Variants in ARF6 observed in about 807,000 individuals in gnomAD.
ARF6 encodes ADP-ribosylation factor 6.
For missense variants in ARF6, 75 were observed against 232.0 expected (o/e 0.32, Z 4.40); for synonymous variants, 127 against 95.5 (o/e 1.33, Z -1.92).
Position 49,896,169 on chromosome 14 carries a change from G to T in ARF6, c.*1905G>T. 1 of 166,296 alleles carries T rather than the reference G, an allele frequency of 6.0e-6. No individual in the cohort carries two copies. The allele number at this position is 166,296 out of a possible 1,614,324, so 10.3% of individuals were successfully genotyped here. A position where few individuals can be genotyped will look rare whatever the true frequency, so the allele number is the denominator to read the frequency against. On this transcript the variant is annotated 3_prime_UTR_variant, in exon 2 of 2. Transcript: ENST00000298316. ...AAAGGGTATTCTCATGTAGGCTCCTGTTGGTGCAGAGGGATTTTTTTGATT... is the reference window on the plus strand; with the variant it reads ...AAAGGGTATTCTCATGTAGGCTCCTTTTGGTGCAGAGGGATTTTTTTGATT...
At position 49,895,997 on chromosome 14, in the gene ARF6, G is replaced by A. The variant is rs140339761; in HGVS notation, c.*1733G>A. On this transcript the variant is annotated 3_prime_UTR_variant, in exon 2 of 2. Transcript: ENST00000298316. ...AACTAAAATTGAGCGGGATATCATG[G>A]TATAGTTGGACAGTATTGGTCCTTC... The A allele has an allele frequency of 1.8e-5, 3 of 167,008 alleles. No individual in the cohort carries two copies. The East Asian group carries it at 5.8e-4, about 32-fold the overall frequency. The allele number at this position is 167,008 out of a possible 1,614,324, so 10.3% of individuals were successfully genotyped here.
In ARF6 at chr14:49,896,795, T is replaced by TTA. The variant is rs1036233929; in HGVS notation, c.*2534_*2535dup. The TTA allele has an allele frequency of 6.0e-6, 1 of 167,056 alleles. No individual in the cohort carries two copies. Among genetic ancestry groups the TTA allele is most frequent in the Admixed American group, 6.5e-5 (1 of 15,278 alleles). 10.3% of individuals were successfully genotyped at this position (167,056 alleles called of 1,614,324 possible). ...AACCATTGGTGACTGGAGCAGGTAA[T>TTA]TATAGCCTGCAGAAAAAATTATCTA... is the stretch of plus-strand genomic sequence containing the variant. On this transcript the variant is annotated 3_prime_UTR_variant, in exon 2 of 2. Transcript: ENST00000298316.
In ARF6 at chr14:49,894,760, T is replaced by C. The variant is rs1161703570; in HGVS notation, c.*496T>C. 6.0e-6 allele frequency: 1 copy of C among 167,780 alleles called. No homozygotes were observed. Among genetic ancestry groups the C allele is most frequent in the Non-Finnish European group, 1.5e-5 (1 of 68,588 alleles). The allele number at this position is 167,780 out of a possible 1,614,324, so 10.4% of individuals were successfully genotyped here. A position where few individuals can be genotyped will look rare whatever the true frequency, so the allele number is the denominator to read the frequency against. ...GTTTCATCTAGTAAACTGAAAATTA[T>C]TGCTTAATCAAACTGCCGTTTGTCT... On this transcript the variant is annotated 3_prime_UTR_variant, in exon 2 of 2. Coordinates refer to ENST00000298316, the MANE Select transcript of ARF6 (RefSeq NM_001663.4).
chr14:49,896,509 GCAGC>G lies in ARF6; in HGVS notation c.*2248_*2251del, dbSNP rs1778345940. 6.0e-6 allele frequency: 1 copy of G among 166,980 alleles called. No homozygotes were observed. The highest frequency in any genetic ancestry group is 1.5e-5 in the Non-Finnish European group (1 of 68,056). 10.3% of individuals were successfully genotyped at this position (166,980 alleles called of 1,614,324 possible). A position where few individuals can be genotyped will look rare whatever the true frequency, so the allele number is the denominator to read the frequency against. On this transcript the variant is annotated 3_prime_UTR_variant, in exon 2 of 2. Transcript: ENST00000298316. ...CTAACTTGTGAAGACAGATTGGTAG[GCAGC>G]CATTTTTTTGTGTCTTAAAATAACT...
rs1894499428 is a variant in ARF6, at chr14:49,894,764, T to C, written c.*500T>C. ...CATCTAGTAAACTGAAAATTATTGCTTAATCAAACTGCCGTTTGTCTTTTA... is the reference window on the plus strand; with the variant it reads ...CATCTAGTAAACTGAAAATTATTGCCTAATCAAACTGCCGTTTGTCTTTTA... On this transcript the variant is annotated 3_prime_UTR_variant, in exon 2 of 2. Coordinates refer to ENST00000298316, the MANE Select transcript of ARF6 (RefSeq NM_001663.4). 1 of 167,750 alleles carries C rather than the reference T, an allele frequency of 6.0e-6. No homozygotes were observed. The highest frequency in any genetic ancestry group is 6.5e-5 in the Admixed American group (1 of 15,382). The allele number at this position is 167,750 out of a possible 1,614,324, so 10.4% of individuals were successfully genotyped here. A position where few individuals can be genotyped will look rare whatever the true frequency, so the allele number is the denominator to read the frequency against.
rs1324913167 is a variant in ARF6, at chr14:49,894,042, G to T, written c.306G>T (p.Glu102Asp). Residue 102 changes from glutamate to aspartate, a missense_variant, in exon 2 of 2, where the codon GAG becomes GAT. Coordinates refer to ENST00000298316, the MANE Select transcript of ARF6 (RefSeq NM_001663.4). ...DRDRIDEARQ[E>D]LHRIINDREM... ...ACCGCATCGATGAGGCTCGCCAGGAGCTGCACCGCATTATCAATGACCGGG... is the reference window on the plus strand; with the variant it reads ...ACCGCATCGATGAGGCTCGCCAGGATCTGCACCGCATTATCAATGACCGGG... 6.2e-7 allele frequency: 1 copy of T among 1,614,192 alleles called. No individual in the cohort carries two copies.
Position 49,894,151 on chromosome 14 carries a change from CTG to C in ARF6, c.416_417del (p.Leu139ArgfsTer25). 6.2e-7 allele frequency: 1 copy of C among 1,614,184 alleles called. No individual in the cohort carries two copies. The highest frequency in any genetic ancestry group is 8.5e-7 in the Non-Finnish European group (1 of 1,180,040). On this transcript the variant is annotated frameshift_variant, in exon 2 of 2. Transcript: ENST00000298316. LOFTEE classifies it high-confidence loss of function. ...GAAACCCCACGAGATCCAGGAGAAA[CTG>C]GGCCTGACCCGGATTCGGGACAGGA... Reference protein sequence around the residue: ...AMKPHEIQEKLGLTRIRDRNW... With the variant: ...AMKPHEIQEKXGLTRIRDRNW...
rs769861336 is a variant in ARF6, at chr14:49,893,784, C to T, written c.48C>T (p.Ile16=). The T allele has an allele frequency of 1.2e-5, 20 of 1,614,114 alleles. No homozygotes were observed. In the South Asian group the frequency reaches 2.1e-4, roughly 17 times the overall value. The change falls in exon 2 of 2, where the codon ATC becomes ATT. Residue 16 remains isoleucine (I), a synonymous_variant. Transcript: ENST00000298316. ...TCTTCGGGAACAAGGAAATGCGGATCCTCATGTTGGGCCTGGACGCGGCCG... is the reference window on the plus strand; with the variant it reads ...TCTTCGGGAACAAGGAAATGCGGATTCTCATGTTGGGCCTGGACGCGGCCG... ...SKIFGNKEMR[I]LMLGLDAAGK...
rs1566734466 is a variant in ARF6 at position 49,893,994 on chromosome 14, C to T, written c.258C>T (p.Phe86=). ...HYYTGTQGLI[F]VVDCADRDRI... The stretch of plus-strand genomic sequence containing the variant: ...ACACTGGGACCCAAGGTCTCATCTT[C>T]GTAGTGGACTGCGCCGACCGCGACC... Residue 86 remains phenylalanine (F), a synonymous_variant, in exon 2 of 2, where the codon TTC becomes TTT. Transcript: ENST00000298316. The T allele has an allele frequency of 1.2e-6, 2 of 1,614,232 alleles. No homozygotes were observed. Among genetic ancestry groups the T allele is most frequent in the South Asian group, 1.1e-5 (1 of 91,088 alleles).
In ARF6 at chr14:49,894,457, T is replaced by C; in HGVS notation, c.*193T>C. 9.2e-6 allele frequency: 2 copies of C among 216,424 alleles called. No individual in the cohort carries two copies. The highest frequency in any genetic ancestry group is 2.2e-4 in the East Asian group (2 of 9,296). The allele number at this position is 216,424 out of a possible 1,614,324, so 13.4% of individuals were successfully genotyped here. On this transcript the variant is annotated 3_prime_UTR_variant, in exon 2 of 2. Transcript: ENST00000298316. ...GTTTGTTTCCCTTTCTTTTTCCTTT[T>C]TTTTTTTTTTTTTTTTTTGTTGGCT... is the stretch of plus-strand genomic sequence containing the variant.
At chr14:49,893,228 A>C (rs1894471086) in intron 1 of ARF6, 28 bp from the exon 2 acceptor site, 1 of 151,528 alleles carries the variant, frequency 6.6e-6, no homozygotes, top group African/African-American at 2.4e-5. Flanking sequence ...TCTGGCAGTA[A>C]CTCCCCTCCC....
chr14:49,895,845 C>T lies in ARF6; in HGVS notation c.*1581C>T, dbSNP rs1166727334. The T allele has an allele frequency of 6.0e-6, 1 of 166,810 alleles. No homozygotes were observed. Among genetic ancestry groups the T allele is most frequent in the Non-Finnish European group, 1.5e-5 (1 of 68,078 alleles). 10.3% of individuals were successfully genotyped at this position (166,810 alleles called of 1,614,324 possible). A position where few individuals can be genotyped will look rare whatever the true frequency, so the allele number is the denominator to read the frequency against. On this transcript the variant is annotated 3_prime_UTR_variant, in exon 2 of 2. Transcript: ENST00000298316. ...CAGAATTGTAAAGCAGCATCTGGTT[C>T]CTATATAGCCTTAAGGATTAATTTT... is the stretch of plus-strand genomic sequence containing the variant.
rs35848359 is a variant in ARF6 at position 49,894,453 on chromosome 14, CTTTTTTTTTTT to C, written c.*201_*211del. The C allele has an allele frequency of 2.3e-3, 553 of 245,582 alleles. 4 individuals are homozygous for C. Among genetic ancestry groups the C allele is most frequent in the African/African-American group, 0.018 (511 of 28,466 alleles). 15.2% of individuals were successfully genotyped at this position (245,582 alleles called of 1,614,324 possible). A position where few individuals can be genotyped will look rare whatever the true frequency, so the allele number is the denominator to read the frequency against. On this transcript the variant is annotated 3_prime_UTR_variant, in exon 2 of 2. Transcript: ENST00000298316. ...TTTTGTTTGTTTCCCTTTCTTTTTC[CTTTTTTTTTTT>C]TTTTTTTTTTTGTTGGCTTTGCGTT...
chr14:49,895,309 T>G lies in ARF6; in HGVS notation c.*1045T>G, dbSNP rs1894507256. ...ATTTAAAAATTACTAAAAGGTTTAC[T>G]TTGTTCATTAATAAAACATTTAACA... On this transcript the variant is annotated 3_prime_UTR_variant, in exon 2 of 2. Transcript: ENST00000298316. 1 of 167,086 alleles carries G rather than the reference T, an allele frequency of 6.0e-6. No individual in the cohort carries two copies. The allele number at this position is 167,086 out of a possible 1,614,324, so 10.4% of individuals were successfully genotyped here.
At position 49,895,389 on chromosome 14, in the gene ARF6, C is replaced by T. The variant is rs1489870532; in HGVS notation, c.*1125C>T. 6.0e-6 allele frequency: 1 copy of T among 167,076 alleles called. No homozygotes were observed. The highest frequency in any genetic ancestry group is 1.5e-5 in the Non-Finnish European group (1 of 68,114). The allele number at this position is 167,076 out of a possible 1,614,324, so 10.3% of individuals were successfully genotyped here. A position where few individuals can be genotyped will look rare whatever the true frequency, so the allele number is the denominator to read the frequency against. Reference sequence around the variant, plus strand: ...TGAAAAAAATACACATTCCTGTTTTCACATTATAGCAACTGATTAAGCTGA... The same window carrying T: ...TGAAAAAAATACACATTCCTGTTTTTACATTATAGCAACTGATTAAGCTGA... On this transcript the variant is annotated 3_prime_UTR_variant, in exon 2 of 2. Coordinates refer to ENST00000298316, the MANE Select transcript of ARF6 (RefSeq NM_001663.4).
rs748114612 is a variant in ARF6, at chr14:49,893,688, AGGGGACCC to A, written c.-45_-38del. 2 of 1,581,326 alleles carry A rather than the reference AGGGGACCC, an allele frequency of 1.3e-6. No individual in the cohort carries two copies. Among genetic ancestry groups the A allele is most frequent in the Non-Finnish European group, 8.6e-7 (1 of 1,161,142 alleles). ...GCGGCGGCGGCGGCGTTGTTGGCTG[AGGGGACCC>A]GGGACACCTGAATGCCCCCGGCCCC... On this transcript the variant is annotated 5_prime_UTR_variant, in exon 2 of 2. Coordinates refer to ENST00000298316, the MANE Select transcript of ARF6 (RefSeq NM_001663.4).
At position 49,893,698 on chromosome 14, in the gene ARF6, G is replaced by A. The variant is rs761695417; in HGVS notation, c.-39G>A. ...CGGCGTTGTTGGCTGAGGGGACCCG[G>A]GACACCTGAATGCCCCCGGCCCCGG... On this transcript the variant is annotated 5_prime_UTR_variant, in exon 2 of 2. Coordinates refer to ENST00000298316, the MANE Select transcript of ARF6 (RefSeq NM_001663.4). 22 of 1,593,560 alleles carry A rather than the reference G, an allele frequency of 1.4e-5. No homozygotes were observed. Among genetic ancestry groups the A allele is most frequent in the Non-Finnish European group, 1.5e-5 (18 of 1,166,338 alleles).
Position 49,893,820 on chromosome 14 carries a change from A to G in ARF6, c.84A>G (p.Thr28=), listed in dbSNP as rs1196102980. Reference sequence around the variant, plus strand: ...GCCTGGACGCGGCCGGCAAGACAACAATCCTGTACAAGTTGAAGCTGGGCC... The same window carrying G: ...GCCTGGACGCGGCCGGCAAGACAACGATCCTGTACAAGTTGAAGCTGGGCC... ...MLGLDAAGKT[T]ILYKLKLGQS... is the part of the protein sequence containing the mutation. Residue 28 remains threonine, a synonymous_variant, in exon 2 of 2, where the codon ACA becomes ACG. Coordinates refer to ENST00000298316, the MANE Select transcript of ARF6 (RefSeq NM_001663.4). 1 of 1,614,242 alleles carries G rather than the reference A, an allele frequency of 6.2e-7. No individual in the cohort carries two copies. The highest frequency in any genetic ancestry group is 1.7e-5 in the Admixed American group (1 of 60,032).
In ARF6 at chr14:49,893,133, C is replaced by G. The variant is rs1038671389; in HGVS notation, c.-506C>G. On this transcript the variant is annotated 5_prime_UTR_variant, in exon 1 of 2. Transcript: ENST00000298316. The stretch of plus-strand genomic sequence containing the variant: ...AGGAGGAGTTGGAGGCCGGAGGGAG[C>G]CCGCGCTCGGGGCGGCGGCTGGAGG... 1 of 152,946 alleles carries G rather than the reference C, an allele frequency of 6.5e-6. No individual in the cohort carries two copies. Among genetic ancestry groups the G allele is most frequent in the East Asian group, 1.9e-4 (1 of 5,198 alleles). 9.5% of individuals were successfully genotyped at this position (152,946 alleles called of 1,614,324 possible).
Sources: gnomAD v4.1 joint callset for allele counts on GRCh38, gnomAD v4.1.1 for gene constraint, MANE v1.5 for transcripts, NCBI Gene and HGNC (gene_info 2026-07-23, HGNC 2026-07-21) for gene names.